Variants in GOLIM4 observed in about 807,000 individuals in gnomAD.
The protein encoded by GOLIM4 is 130 kDa golgi-localized phosphoprotein.
GOLIM4 carries 71 observed loss-of-function variants against 107.4 expected under a neutral mutation model. That is an observed-to-expected ratio of 0.66 (90% CI 0.55 to 0.81). GOLIM4 has a LOEUF of 0.81. Among genes scored for constraint, GOLIM4 ranks in the 30% least tolerant of loss-of-function variants. GOLIM4 has a pLI of 0.00. For missense variants in GOLIM4, 830 were observed against 826.1 expected, an observed-to-expected ratio of 1.00 and a Z score of -0.06; for synonymous variants, 327 against 294.8, an observed-to-expected ratio of 1.11 and a Z score of -1.12.
At chr3:168,088,013 CTATATGA>C (rs1490157417) in intron 1 of GOLIM4, among the ~76,000 whole-genome samples, 1 of 151,998 alleles carries the variant, frequency 6.6e-6, no homozygotes, top group African/African-American at 2.4e-5. Context: ...TATAATAAAG[CTATATGA>C]TATATAACTT....
chr3:168,027,650 TG>T, intron 12 of GOLIM4, 77 bp downstream of exon 12: 1 of 830,454 alleles, frequency 1.2e-6, no homozygotes, highest in Non-Finnish European at 2.1e-6. Context: ...GGCTGAAGGC[TG>T]GCATCAGGCA....
At chr3:168,052,965 G>A (rs1322728857) in intron 1 of GOLIM4, among the ~76,000 whole-genome samples, 2 of 152,144 alleles carry the variant, frequency 1.3e-5, no homozygotes, top group Admixed American at 6.5e-5. Context: ...ACAGGAATAG[G>A]ATTTGAATCC....
At chr3:168,025,502 T>G (rs1560073101) in intron 12 of GOLIM4, among the ~76,000 whole-genome samples, 2 of 152,342 alleles carry the variant, frequency 1.3e-5, no homozygotes, top group East Asian at 3.9e-4. Context: ...TTGATTTTTA[T>G]AGTAACTTCC....
chr3:168,027,835 A>T lies in GOLIM4; in HGVS notation c.1516T>A (p.Tyr506Asn), dbSNP rs773515688. 5 of 1,593,644 alleles carry T rather than the reference A, an allele frequency of 3.1e-6. No individual in the cohort carries two copies. The highest frequency in any genetic ancestry group is 2.6e-6 in the Non-Finnish European group (3 of 1,161,816). ...DQGIQGEEGAYERDNQHQDEA... is the reference protein window; with the variant it reads ...DQGIQGEEGANERDNQHQDEA... ...TCTTGGTGCTGGTTGTCTCTTTCAT[A>T]GGCTAGCAAATCAAAGGAACTAAAA... The change falls in exon 12 of 16, where the codon TAT becomes AAT. Residue 506 changes from tyrosine (Y) to asparagine (N), a missense_variant and splice_region_variant. Tyr to Asn is a moderately radical substitution (Grantham distance 143). Coordinates refer to ENST00000470487, the MANE Select transcript of GOLIM4 (RefSeq NM_014498.5).
At chr3:168,042,577 G>A (rs569580512) in intron 5 of GOLIM4, among the ~76,000 whole-genome samples, 6 of 152,310 alleles carry the variant, frequency 3.9e-5, no homozygotes, top group East Asian at 1.9e-4. Flanking sequence ...CACCGTCCCC[G>A]GTTGAAATGG....
At chr3:168,069,929 A>G (rs1720751619) in intron 1 of GOLIM4, among the ~76,000 whole-genome samples, 1 of 152,220 alleles carries the variant, frequency 6.6e-6, no homozygotes, top group Non-Finnish European at 1.5e-5. Context: ...CTTTGTATAG[A>G]AAGATGGTGC....
chr3:168,072,046 C>A (rs1202774112), intron 1 of GOLIM4, among the ~76,000 whole-genome samples: 1 of 152,124 alleles, frequency 6.6e-6, no homozygotes, highest in Non-Finnish European at 1.5e-5. Flanking sequence ...CTGGATTTCC[C>A]ATAGGGCCAA....
At chr3:168,077,131 T>C (rs1721117713) in intron 1 of GOLIM4, among the ~76,000 whole-genome samples, 1 of 152,242 alleles carries the variant, frequency 6.6e-6, no homozygotes, top group Non-Finnish European at 1.5e-5. Flanking sequence ...GAAGTTTTCT[T>C]CTTTTATTTC....
At chr3:168,059,082 C>T (rs1352735780) in intron 1 of GOLIM4, among the ~76,000 whole-genome samples, 2 of 152,104 alleles carry the variant, frequency 1.3e-5, no homozygotes, top group East Asian at 1.9e-4. Context: ...AAGCACACTG[C>T]TCTTAAAATG....
intron 1 of GOLIM4, among the ~76,000 whole-genome samples, chr3:168,072,611 A>C (rs1239237237): frequency 6.6e-6 from 1 of 152,124 alleles, no homozygotes; most frequent in Non-Finnish European, 1.5e-5. Flanking sequence ...GCTAGACTAA[A>C]AATAAAACCT....
intron 14 of GOLIM4, among the ~76,000 whole-genome samples, chr3:168,013,062 A>G (rs1435853147): frequency 2.0e-5 from 3 of 150,456 alleles, no homozygotes; most frequent in South Asian, 2.1e-4. Context: ...ATGTAAATGG[A>G]CTAAATGCTC....
chr3:168,010,594 C>T (rs1560063809), intron 15 of GOLIM4, 149 bp downstream of exon 15: 1 of 773,024 alleles, frequency 1.3e-6, no homozygotes, highest in African/African-American at 1.7e-5. Flanking sequence ...CACAACTTTT[C>T]CTAATTTCAG....
chr3:168,088,156 C>T (rs576094459), intron 1 of GOLIM4, among the ~76,000 whole-genome samples: 1 of 152,178 alleles, frequency 6.6e-6, no homozygotes, highest in African/African-American at 2.4e-5. Flanking sequence ...CTCTTAGTTG[C>T]TATCATGTAA....
intron 1 of GOLIM4, among the ~76,000 whole-genome samples, chr3:168,067,733 CA>C (rs1214002149): frequency 6.6e-6 from 1 of 151,668 alleles, no homozygotes; most frequent in Non-Finnish European, 1.5e-5. Flanking sequence ...ACGTAGTTGC[CA>C]AAGTACGGAC....
chr3:168,017,433 T>G (rs1717435300), intron 14 of GOLIM4, among the ~76,000 whole-genome samples: 2 of 152,186 alleles, frequency 1.3e-5, no homozygotes, highest in Admixed American at 1.3e-4. Flanking sequence ...AAAGTTGCAG[T>G]AAGCTATGTT....
intron 14 of GOLIM4, among the ~76,000 whole-genome samples, chr3:168,012,918 C>G (rs1717139937): frequency 6.6e-6 from 1 of 151,544 alleles, no homozygotes; most frequent in Non-Finnish European, 1.5e-5. Context: ...ACAACCGGAA[C>G]CAGCCACTGC....
At chr3:168,067,555 CA>C (rs769475018) in intron 1 of GOLIM4, among the ~76,000 whole-genome samples, 1 of 144,968 alleles carries the variant, frequency 6.9e-6, no homozygotes, top group Non-Finnish European at 1.5e-5. Flanking sequence ...TATCTTTTTA[CA>C]AAAAAAAATA....
At position 168,060,925 on chromosome 3, in the gene GOLIM4, G is replaced by A. The variant is rs537166557; in HGVS notation, c.188-12560C>T. Among the ~76,000 whole-genome samples the A allele has an allele frequency of 2.0e-4, 30 of 147,524 alleles. No homozygotes were observed. In the South Asian group the frequency reaches 3.0e-3, roughly 15 times the overall value. On this transcript the variant is annotated intron_variant, in intron 1 of 15. Coordinates refer to ENST00000470487, the MANE Select transcript of GOLIM4 (RefSeq NM_014498.5). Reference sequence around the variant, plus strand: ...AAAAAGAACTTCATCACATCTGCATGATTGTAAAATTAACTTTGTATGTGT... The same window carrying A: ...AAAAAGAACTTCATCACATCTGCATAATTGTAAAATTAACTTTGTATGTGT...
chr3:168,090,708 A>AT (rs1288396596), intron 1 of GOLIM4, among the ~76,000 whole-genome samples: 2 of 152,196 alleles, frequency 1.3e-5, no homozygotes, highest in Non-Finnish European at 2.9e-5. Context: ...TACAAAAAAG[A>AT]TACCTGCACT....
Sources: allele counts gnomAD v4.1 joint callset (sites outside exome capture counted in the v4.1 genomes callset), GRCh38; gene constraint gnomAD v4.1.1; transcripts MANE v1.5; gene names NCBI Gene and HGNC (gene_info 2026-07-23, HGNC 2026-07-21).